Variants in XIRP2 observed in about 807,000 individuals in gnomAD.
XIRP2 encodes the protein xin actin-binding repeat-containing protein 2.
Under a neutral mutation model 277.0 loss-of-function variants are expected in XIRP2, and 236 were observed. The observed-to-expected ratio is 0.85, with a 90% CI of 0.77 to 0.95. XIRP2 has a LOEUF of 0.95. Among genes scored for constraint, XIRP2 ranks in the 40% least tolerant of loss-of-function variants. XIRP2 has a pLI of 0.00. For missense variants in XIRP2, 4,640 were observed against 4,157.5 expected, an observed-to-expected ratio of 1.12 and a Z score of -3.19; for synonymous variants, 1,490 against 1,416.5, an observed-to-expected ratio of 1.05 and a Z score of -1.17.
chr2:166,929,322 G>A (rs1266471040), intron 2 of XIRP2, among the ~76,000 whole-genome samples: 1 of 152,104 alleles, frequency 6.6e-6, no homozygotes, highest in Non-Finnish European at 1.5e-5. Context: ...GTGTGTTGGA[G>A]ATGCTTCCCT....
intron 1 of XIRP2, among the ~76,000 whole-genome samples, chr2:166,897,477 A>G (rs1353087512): frequency 2.0e-5 from 3 of 152,170 alleles, no homozygotes; most frequent in African/African-American, 7.2e-5. Flanking sequence ...TAGAGAGCAG[A>G]CATCTCATTA....
At chr2:167,030,475 A>C (rs142431357) in intron 2 of XIRP2, among the ~76,000 whole-genome samples, 2 of 152,116 alleles carry the variant, frequency 1.3e-5, no homozygotes, top group Admixed American at 6.6e-5. Flanking sequence ...TTATGTACCC[A>C]GTAGTCATTC....
chr2:167,113,048 A>G (rs548410522), intron 2 of XIRP2, among the ~76,000 whole-genome samples: 9 of 151,908 alleles, frequency 5.9e-5, no homozygotes, highest in Non-Finnish European at 1.0e-4. Flanking sequence ...TTTTATGTCC[A>G]ATTGTGTGGT....
At chr2:167,194,888 A>C (rs1322845592) in intron 3 of XIRP2, among the ~76,000 whole-genome samples, 1 of 152,180 alleles carries the variant, frequency 6.6e-6, no homozygotes, top group Non-Finnish European at 1.5e-5. Context: ...TAAGTGCTGT[A>C]TAAGCTTTTG....
chr2:167,034,864 A>G (rs975501259), intron 2 of XIRP2, among the ~76,000 whole-genome samples: 7 of 152,190 alleles, frequency 4.6e-5, no homozygotes, highest in African/African-American at 1.7e-4. Flanking sequence ...CTTGAATTGT[A>G]GTTCCTAGAA....
intron 2 of XIRP2, among the ~76,000 whole-genome samples, chr2:166,938,922 T>C (rs1678259759): frequency 6.6e-6 from 1 of 152,172 alleles, no homozygotes. Context: ...AACCCCTGCC[T>C]TTTTATGTTT....
rs201118071 is a variant in XIRP2, at chr2:167,254,077, A to G, written c.10601A>G (p.Asp3534Gly). Residue 3534 changes from aspartate to glycine, a missense_variant, in exon 10 of 11, where the codon GAC becomes GGC. By Grantham distance (94) the Asp-to-Gly change is moderately conservative. Coordinates refer to ENST00000409195, the MANE Select transcript of XIRP2 (RefSeq NM_152381.6). ...GGAAATATGTATACTTTGTCAAAAG[A>G]CAGTTTATCCAATGGAGTGCCTAGT... ...RQGNMYTLSKDSLSNGVPSGR... is the reference protein window; with the variant it reads ...RQGNMYTLSKGSLSNGVPSGR... The G allele has an allele frequency of 5.6e-6, 9 of 1,609,112 alleles. No homozygotes were observed. The highest frequency in any genetic ancestry group is 7.6e-6 in the Non-Finnish European group (9 of 1,177,552).
At chr2:167,028,418 T>C (rs1688234996) in intron 2 of XIRP2, among the ~76,000 whole-genome samples, 2 of 152,032 alleles carry the variant, frequency 1.3e-5, no homozygotes, top group Non-Finnish European at 1.5e-5. Flanking sequence ...GTCTGCCTGG[T>C]AATCCAAGGA....
At chr2:167,044,222 A>G (rs1346590518) in intron 2 of XIRP2, among the ~76,000 whole-genome samples, 1 of 152,150 alleles carries the variant, frequency 6.6e-6, no homozygotes, top group Non-Finnish European at 1.5e-5. Flanking sequence ...AAAATTCAAT[A>G]TCACTTCATG....
intron 2 of XIRP2, among the ~76,000 whole-genome samples, chr2:166,965,123 C>T (rs1219974447): frequency 2.0e-5 from 3 of 151,846 alleles, no homozygotes; most frequent in African/African-American, 7.3e-5. Flanking sequence ...ACTTGCAATT[C>T]AGTGAACAAA....
At chr2:167,028,506 G>T (rs1181285687) in intron 2 of XIRP2, among the ~76,000 whole-genome samples, 1 of 152,114 alleles carries the variant, frequency 6.6e-6, no homozygotes, top group East Asian at 1.9e-4. Flanking sequence ...ACTGGGCTTG[G>T]GTTGCCCCTT....
At position 167,251,099 on chromosome 2, in the gene XIRP2, C is replaced by T. The variant is rs375611135; in HGVS notation, c.9707C>T (p.Pro3236Leu). Reference sequence around the variant, plus strand: ...GAAACTCGTGGTAGGGACTCTCCACCTACAATCACAATACCAGTAAATATA... The same window carrying T: ...GAAACTCGTGGTAGGGACTCTCCACTTACAATCACAATACCAGTAAATATA... ...KIETRGRDSP[P>L]TITIPVNINH... is the part of the protein sequence containing the mutation. The change falls in exon 9 of 11, where the codon CCT (proline) becomes CTT (leucine). Residue 3236 changes from proline (P) to leucine (L), a missense_variant. Transcript: ENST00000409195. The T allele has an allele frequency of 2.5e-6, 4 of 1,613,468 alleles. No individual in the cohort carries two copies. Among genetic ancestry groups the T allele is most frequent in the African/African-American group, 2.7e-5 (2 of 74,852 alleles).
chr2:167,068,044 T>C (rs1460859575), intron 2 of XIRP2, among the ~76,000 whole-genome samples: 1 of 152,208 alleles, frequency 6.6e-6, no homozygotes, highest in East Asian at 1.9e-4. Flanking sequence ...TAAGTTATAT[T>C]AGTCTTTTTT....
chr2:166,960,322 TAA>T (rs1686268935), intron 2 of XIRP2, among the ~76,000 whole-genome samples: 1 of 151,620 alleles, frequency 6.6e-6, no homozygotes, highest in African/African-American at 2.4e-5. Flanking sequence ...GCAGAACAAT[TAA>T]AAGAGACAGA....
Position 166,909,712 on chromosome 2 carries a change from C to T in XIRP2, c.408+5822C>T, listed in dbSNP as rs112723303. ...CTTGTGCCAGTTTTCAAAGGGAATG[C>T]TTCCAGTTTTTGCCCATTTAGTATG... On this transcript the variant is annotated intron_variant, in intron 2 of 10. Transcript: ENST00000409195. Among the ~76,000 whole-genome samples the T allele has an allele frequency of 2.2e-3, 337 of 152,292 alleles. 3 individuals are homozygous for T. The highest frequency in any genetic ancestry group is 7.2e-3 in the African/African-American group (299 of 41,564).
intron 2 of XIRP2, among the ~76,000 whole-genome samples, chr2:167,072,797 G>A (rs545889538): frequency 7.9e-5 from 12 of 152,228 alleles, no homozygotes; most frequent in Non-Finnish European, 1.8e-4. Flanking sequence ...AACATACAAA[G>A]CTGATAGGAA....
chr2:166,937,749 A>G (rs189638202), intron 2 of XIRP2, among the ~76,000 whole-genome samples: 1 of 152,278 alleles, frequency 6.6e-6, no homozygotes, highest in Admixed American at 6.5e-5. Context: ...TTAGTAAGCT[A>G]TTAATTATTG....
intron 3 of XIRP2, among the ~76,000 whole-genome samples, chr2:167,159,775 A>T (rs1362643344): frequency 6.6e-6 from 1 of 152,216 alleles, no homozygotes; most frequent in Non-Finnish European, 1.5e-5. Flanking sequence ...CTTAGGACAT[A>T]ACTGGTACAT....
At chr2:167,016,135 C>T (rs1426217188) in intron 2 of XIRP2, among the ~76,000 whole-genome samples, 2 of 151,610 alleles carry the variant, frequency 1.3e-5, no homozygotes, top group Non-Finnish European at 2.9e-5. Flanking sequence ...CGATTCCGTC[C>T]TCCTCCTCAA....
Sources: gnomAD v4.1 joint callset for allele counts (sites outside exome capture counted in the v4.1 genomes callset) on GRCh38, gnomAD v4.1.1 for gene constraint, MANE v1.5 for transcripts, NCBI Gene and HGNC (gene_info 2026-07-23, HGNC 2026-07-21) for gene names.